The following CDK17 variants were observed in gnomAD, a reference collection of about 807,000 sequenced individuals.
CDK17 encodes the protein cyclin dependent kinase 17.
A neutral mutation model predicts 77.6 loss-of-function variants in CDK17; 24 were observed. That is an observed-to-expected ratio of 0.31 (90% CI 0.22 to 0.44). The LOEUF (loss-of-function observed/expected upper bound fraction) is 0.44, where lower values mean the gene tolerates loss of function less well. CDK17 is among the 20% of genes least tolerant of loss of function. The pLI, the probability that CDK17 is intolerant of heterozygous loss-of-function variation, is 1.00. For synonymous variants in CDK17, 203 were observed against 210.4 expected, an observed-to-expected ratio of 0.96 and a Z score of 0.30; for missense variants, 429 against 622.5, an observed-to-expected ratio of 0.69 and a Z score of 3.31.
chr12:96,391,538 G>A (rs758397579), intron 1 of CDK17, among the ~76,000 whole-genome samples: 49 of 152,074 alleles, frequency 3.2e-4, no homozygotes, highest in Admixed American at 7.9e-4. Context: ...TGATCTGACC[G>A]CCTTGGCCTC....
intron 3 of CDK17, among the ~76,000 whole-genome samples, chr12:96,322,957 G>GA (rs36086453): frequency 4.1e-4 from 63 of 152,032 alleles, no homozygotes; most frequent in Non-Finnish European, 7.5e-4. Flanking sequence ...AGTTCTCACA[G>GA]AAAAAATCTC....
chr12:96,385,625 T>C (rs2137235459), intron 1 of CDK17, among the ~76,000 whole-genome samples: 1 of 152,224 alleles, frequency 6.6e-6, no homozygotes, highest in South Asian at 2.1e-4. Context: ...GCCACAATTA[T>C]TTGGTACCTT....
chr12:96,327,340 G>A (rs943892046), intron 2 of CDK17, among the ~76,000 whole-genome samples: 5 of 152,120 alleles, frequency 3.3e-5, no homozygotes, highest in Non-Finnish European at 7.4e-5. Flanking sequence ...AGCAAAAGGA[G>A]GAGATTACTA....
intron 1 of CDK17, among the ~76,000 whole-genome samples, chr12:96,368,267 T>C (rs1342593014): frequency 4.6e-5 from 7 of 152,240 alleles, no homozygotes; most frequent in African/African-American, 1.4e-4. Flanking sequence ...TCTTTAGATG[T>C]GGCTATATCT....
intron 5 of CDK17, chr12:96,303,028 A>G (rs938378950): frequency 4.6e-5 from 7 of 152,230 alleles, no homozygotes; most frequent in African/African-American, 9.6e-5. Flanking sequence ...GATTACATCA[A>G]AACAGTACTT....
At chr12:96,369,050 A>T (rs1474393213) in intron 1 of CDK17, among the ~76,000 whole-genome samples, 1 of 152,192 alleles carries the variant, frequency 6.6e-6, no homozygotes, top group Non-Finnish European at 1.5e-5. Flanking sequence ...GAATTCAAAA[A>T]GTAGGCCTGT....
chr12:96,368,778 G>C (rs190634640), intron 1 of CDK17, among the ~76,000 whole-genome samples: 1 of 130,586 alleles, frequency 7.7e-6, no homozygotes, highest in African/African-American at 2.9e-5. Context: ...CCTTGGAAGA[G>C]GAAATTTAGA....
At chr12:96,341,701 GA>G (rs1279150728) in intron 1 of CDK17, among the ~76,000 whole-genome samples, 2 of 152,094 alleles carry the variant, frequency 1.3e-5, no homozygotes, top group African/African-American at 4.8e-5. Flanking sequence ...CTTAGGAATA[GA>G]AAAATATGCA....
At chr12:96,304,289 A>G (rs1331785145) in intron 5 of CDK17, among the ~76,000 whole-genome samples, 3 of 152,216 alleles carry the variant, frequency 2.0e-5, no homozygotes, top group Non-Finnish European at 4.4e-5. Flanking sequence ...CTGTAATCCC[A>G]GCACTTTCGG....
intron 1 of CDK17, among the ~76,000 whole-genome samples, chr12:96,395,349 C>T (rs1450194355): frequency 6.6e-6 from 1 of 152,142 alleles, no homozygotes. Context: ...TTATAGAGTG[C>T]AGACAGTAAC....
chr12:96,304,490 T>TC (rs1400884006), intron 5 of CDK17, among the ~76,000 whole-genome samples: 1 of 152,110 alleles, frequency 6.6e-6, no homozygotes, highest in Non-Finnish European at 1.5e-5. Flanking sequence ...TGAGCCAAGA[T>TC]CGTGCCACTG....
chr12:96,289,332 G>C (rs138916678), intron 10 of CDK17, 45 bp from the exon 11 acceptor site: 3 of 1,609,068 alleles, frequency 1.9e-6, no homozygotes, highest in Non-Finnish European at 2.6e-6. Context: ...AAGCTTTAAT[G>C]GATCTCTCAG....
Position 96,286,707 on chromosome 12 carries a change from T to A in CDK17, c.1173A>T (p.Gly391=). Residue 391 remains glycine, a synonymous_variant, in exon 12 of 17, where the codon GGA becomes GGT. Coordinates refer to ENST00000261211, the MANE Select transcript of CDK17 (RefSeq NM_002595.5). ...AGTGCAGTTCATCTTCCACGGTTGA[T>A]CCTGGAAATAAAGGTCTTCCAGAAG... ...EMASGRPLFP[G]STVEDELHLI... is the part of the protein sequence containing the mutation. 6.2e-7 allele frequency: 1 copy of A among 1,613,546 alleles called. No individual in the cohort carries two copies. Among genetic ancestry groups the A allele is most frequent in the Non-Finnish European group, 8.5e-7 (1 of 1,179,632 alleles).
chr12:96,330,509 A>T (rs1342565515), intron 2 of CDK17, among the ~76,000 whole-genome samples: 2 of 152,186 alleles, frequency 1.3e-5, no homozygotes, highest in East Asian at 3.8e-4. Flanking sequence ...CATACACAAT[A>T]ACCAGTCACT....
At chr12:96,325,493 C>A (rs535195783) in intron 2 of CDK17, among the ~76,000 whole-genome samples, 1 of 152,156 alleles carries the variant, frequency 6.6e-6, no homozygotes, top group Admixed American at 6.5e-5. Flanking sequence ...AGAACAGGAC[C>A]AGGGTATGGG....
At chr12:96,396,894 T>C (rs1211566841) in intron 1 of CDK17, among the ~76,000 whole-genome samples, 2 of 152,216 alleles carry the variant, frequency 1.3e-5, no homozygotes, top group Non-Finnish European at 2.9e-5. Flanking sequence ...ATTCAAAATG[T>C]AATGTCTTAT....
intron 9 of CDK17, among the ~76,000 whole-genome samples, chr12:96,296,703 T>G (rs1244514267): frequency 6.6e-6 from 1 of 152,226 alleles, no homozygotes. Context: ...TAATAACTTT[T>G]GGGTATCATC....
intron 3 of CDK17, 23 bp from the exon 4 acceptor site, chr12:96,313,477 A>G: frequency 7.4e-7 from 1 of 1,350,272 alleles, no homozygotes; most frequent in Non-Finnish European, 1.0e-6. Context: ...ATGAGACATT[A>G]AAAGAGATAC....
chr12:96,338,424 G>C (rs989894127), intron 1 of CDK17, among the ~76,000 whole-genome samples: 1 of 151,972 alleles, frequency 6.6e-6, no homozygotes, highest in African/African-American at 2.4e-5. Flanking sequence ...AAGCATGATG[G>C]GTTGGTCTTG....
Sources: gnomAD v4.1 joint callset for allele counts (sites outside exome capture counted in the v4.1 genomes callset) on GRCh38, gnomAD v4.1.1 for gene constraint, MANE v1.5 for transcripts, NCBI Gene and HGNC (gene_info 2026-07-23, HGNC 2026-07-21) for gene names.